Variants in CNTN5 observed in about 807,000 individuals in gnomAD.
CNTN5 encodes contactin 5.
CNTN5 carries 77 observed loss-of-function variants against 129.1 expected under a neutral mutation model. The observed-to-expected ratio is 0.60, with a 90% confidence interval of 0.50 to 0.72. CNTN5 has a LOEUF of 0.72. Ranked by LOEUF, CNTN5 falls within the 30% of genes least tolerant of loss-of-function variation. The probability of loss-of-function intolerance (pLI) is 0.00; values close to 1 mark genes in which losing one functional copy is unlikely to be tolerated. For synonymous variants in CNTN5, 509 were observed against 465.6 expected (o/e 1.09, Z -1.20); for missense variants, 1,478 against 1,328.8 (o/e 1.11, Z -1.75).
intron 2 of CNTN5, among the ~76,000 whole-genome samples, chr11:99,501,018 A>G (rs1946407887): frequency 6.6e-6 from 1 of 152,216 alleles, no homozygotes. Context: ...CACCATGCAT[A>G]CATACGTGTA....
rs899749015 is a variant in CNTN5, at chr11:99,241,293, G to A, written c.-209-84053G>A. ...AACAAATGACTTGGCATTTTCTATT[G>A]TGACACTCCTTCATTTGATTGTTGG... On this transcript the variant is annotated intron_variant, in intron 1 of 24. Coordinates refer to ENST00000524871, the MANE Select transcript of CNTN5 (RefSeq NM_014361.4). 1.1e-4 allele frequency among the ~76,000 whole-genome samples: 15 copies of A among 132,714 alleles called. No homozygotes were observed. The East Asian group carries it at 3.2e-3, about 29-fold the overall frequency. The allele number at this position is 132,714 out of a possible 152,430, so 87.1% of individuals were successfully genotyped here. A position where few individuals can be genotyped will look rare whatever the true frequency, so the allele number is the denominator to read the frequency against.
intron 7 of CNTN5, among the ~76,000 whole-genome samples, chr11:99,945,408 T>C (rs1008270068): frequency 1.3e-5 from 2 of 152,002 alleles, no homozygotes; most frequent in Admixed American, 1.3e-4. Flanking sequence ...TAAGAGGCTA[T>C]GTTTTATGAA....
intron 3 of CNTN5, among the ~76,000 whole-genome samples, chr11:99,817,229 T>G (rs1276159474): frequency 1.3e-5 from 2 of 152,210 alleles, no homozygotes; most frequent in African/African-American, 4.8e-5. Flanking sequence ...AATGCTTGAA[T>G]GAATGAATGA....
At chr11:99,039,148 A>C (rs1327718688) in intron 1 of CNTN5, among the ~76,000 whole-genome samples, 1 of 152,180 alleles carries the variant, frequency 6.6e-6, no homozygotes, top group Non-Finnish European at 1.5e-5. Context: ...CAATTTCATA[A>C]ATTCATGTAG....
chr11:100,105,302 A>C (rs2138082736), intron 13 of CNTN5, among the ~76,000 whole-genome samples: 1 of 151,658 alleles, frequency 6.6e-6, no homozygotes, highest in African/African-American at 2.4e-5. Context: ...AGAATACCTA[A>C]ATTTTAGCAG....
intron 2 of CNTN5, among the ~76,000 whole-genome samples, chr11:99,346,370 T>C (rs182663610): frequency 1.3e-5 from 2 of 152,356 alleles, no homozygotes; most frequent in Admixed American, 1.3e-4. Context: ...CACCTGCCTT[T>C]CTTCTCTCAT....
chr11:99,844,769 T>C (rs1947628016), intron 4 of CNTN5, 83 bp from the exon 5 acceptor site: 1 of 1,348,426 alleles, frequency 7.4e-7, no homozygotes, highest in East Asian at 2.3e-5. Context: ...GAATTTTGAA[T>C]ATAAGTAAGA....
intron 13 of CNTN5, among the ~76,000 whole-genome samples, chr11:100,104,482 CT>C (rs1179873513): frequency 6.6e-6 from 1 of 152,100 alleles, no homozygotes; most frequent in Non-Finnish European, 1.5e-5. Context: ...TAATAACTAT[CT>C]TTTGTTGACT....
intron 1 of CNTN5, among the ~76,000 whole-genome samples, chr11:99,306,650 C>T (rs1297235009): frequency 1.3e-5 from 2 of 151,420 alleles, no homozygotes; most frequent in Admixed American, 6.6e-5. Context: ...AGGAGAATGG[C>T]GTGAACCCGG....
At chr11:99,354,076 A>G (rs750459256) in intron 2 of CNTN5, among the ~76,000 whole-genome samples, 2 of 152,180 alleles carry the variant, frequency 1.3e-5, no homozygotes, top group African/African-American at 2.4e-5. Context: ...TAAGACATCA[A>G]TCAAAAGGAA....
chr11:99,266,236 A>G (rs1218607464), intron 1 of CNTN5, among the ~76,000 whole-genome samples: 1 of 152,156 alleles, frequency 6.6e-6, no homozygotes, highest in Non-Finnish European at 1.5e-5. Context: ...TTAAAAATGC[A>G]TTATAACATC....
intron 15 of CNTN5, among the ~76,000 whole-genome samples, chr11:100,195,319 C>A (rs1362286923): frequency 6.6e-6 from 1 of 151,770 alleles, no homozygotes; most frequent in Non-Finnish European, 1.5e-5. Flanking sequence ...TTTACAATAC[C>A]AATATAAAAA....
intron 1 of CNTN5, among the ~76,000 whole-genome samples, chr11:99,262,589 CTTCT>C (rs1862689029): frequency 6.8e-6 from 1 of 146,874 alleles, no homozygotes; most frequent in Non-Finnish European, 1.5e-5. Context: ...TTATCATAGA[CTTCT>C]TTGTTTCTTT....
chr11:99,673,140 C>T lies in CNTN5; in HGVS notation c.55+116871C>T, dbSNP rs141458008. Among the ~76,000 whole-genome samples, 154 of 152,232 alleles carry T rather than the reference C, an allele frequency of 1.0e-3. 3 individuals are homozygous for T. In the East Asian group the frequency reaches 0.027, roughly 27 times the overall value. ...TGCAGTTTTAGAATATTAGAAAAGA[C>T]CCAACTCAATACCATGCTATGCTTG... On this transcript the variant is annotated intron_variant, in intron 3 of 24. Coordinates refer to ENST00000524871, the MANE Select transcript of CNTN5 (RefSeq NM_014361.4).
chr11:100,249,639 C>G (rs1949921213), intron 16 of CNTN5, among the ~76,000 whole-genome samples: 1 of 152,154 alleles, frequency 6.6e-6, no homozygotes, highest in African/African-American at 2.4e-5. Context: ...TGGACTGTCA[C>G]ACATTTGTCA....
intron 2 of CNTN5, among the ~76,000 whole-genome samples, chr11:99,390,401 C>A (rs566397307): frequency 6.6e-6 from 1 of 152,126 alleles, no homozygotes; most frequent in Non-Finnish European, 1.5e-5. Context: ...AAACCTTTCT[C>A]TTTAAAAGAA....
At chr11:99,160,669 A>G (rs1053600239) in intron 1 of CNTN5, among the ~76,000 whole-genome samples, 3 of 152,198 alleles carry the variant, frequency 2.0e-5, no homozygotes, top group Non-Finnish European at 4.4e-5. Context: ...TGATGACAGA[A>G]GGTAACTATA....
chr11:100,231,737 T>C (rs910358623), intron 16 of CNTN5, among the ~76,000 whole-genome samples: 23 of 152,198 alleles, frequency 1.5e-4, no homozygotes, highest in African/African-American at 5.5e-4. Flanking sequence ...CATTTAGGGT[T>C]CTCCATTCTA....
At chr11:99,184,745 T>G (rs186499903) in intron 1 of CNTN5, among the ~76,000 whole-genome samples, 32 of 152,190 alleles carry the variant, frequency 2.1e-4, no homozygotes, top group African/African-American at 4.6e-4. Flanking sequence ...TCTGATTTTT[T>G]TGTGTGTGTA....
Sources: allele counts gnomAD v4.1 joint callset (sites outside exome capture counted in the v4.1 genomes callset), GRCh38; gene constraint gnomAD v4.1.1; transcripts MANE v1.5; gene names NCBI Gene and HGNC (gene_info 2026-07-23, HGNC 2026-07-21).